Variants in CDKAL1 observed in about 807,000 individuals in gnomAD.
CDKAL1 encodes threonylcarbamoyladenosine tRNA methylthiotransferase.
CDKAL1 carries 32 observed loss-of-function variants against 68.2 expected under a neutral mutation model. That is an observed-to-expected ratio of 0.47 (90% CI 0.35 to 0.63). The LOEUF is 0.63. Among genes scored for constraint, CDKAL1 ranks in the 30% least tolerant of loss-of-function variants. The pLI, the probability that CDKAL1 is intolerant of heterozygous loss-of-function variation, is 0.00. For synonymous variants in CDKAL1, 234 were observed against 244.3 expected (o/e 0.96, Z 0.39); for missense variants, 606 against 696.7 (o/e 0.87, Z 1.47).
intron 11 of CDKAL1, among the ~76,000 whole-genome samples, chr6:21,023,396 G>A (rs1399941912): frequency 2.6e-5 from 4 of 152,130 alleles, no homozygotes; most frequent in Non-Finnish European, 5.9e-5. Flanking sequence ...CTTCCTGTTA[G>A]TACCTGGCTC....
intron 5 of CDKAL1, among the ~76,000 whole-genome samples, chr6:20,712,414 CTT>C (rs1771887999): frequency 6.6e-6 from 1 of 151,034 alleles, no homozygotes; most frequent in South Asian, 2.1e-4. Flanking sequence ...GAGCACAAAA[CTT>C]AGCCATGATG....
chr6:20,605,363 C>T (rs1448972212), intron 4 of CDKAL1, among the ~76,000 whole-genome samples: 1 of 152,102 alleles, frequency 6.6e-6, no homozygotes, highest in Non-Finnish European at 1.5e-5. Context: ...TTAATATCCT[C>T]GAGTTCTATG....
At chr6:21,069,770 CTTTCTTTTTTTT>C (rs1771656426) in intron 12 of CDKAL1, among the ~76,000 whole-genome samples, 8 of 42,278 alleles carry the variant, frequency 1.9e-4, no homozygotes, top group East Asian at 2.8e-3. Flanking sequence ...CCCAGATTTT[CTTTCTTTTTTTT>C]TTTTTTTTTT....
At chr6:20,969,400 C>T (rs952410319) in intron 10 of CDKAL1, among the ~76,000 whole-genome samples, 4 of 152,086 alleles carry the variant, frequency 2.6e-5, no homozygotes, top group Admixed American at 2.6e-4. Flanking sequence ...GGTCATCATC[C>T]TCATCATCTT....
chr6:20,653,552 A>G (rs1034900622), intron 5 of CDKAL1, among the ~76,000 whole-genome samples: 2 of 151,968 alleles, frequency 1.3e-5, no homozygotes, highest in Non-Finnish European at 2.9e-5. Flanking sequence ...CTCGTGTTCA[A>G]AGGATTCTCC....
At chr6:21,009,981 A>G (rs1767927217) in intron 11 of CDKAL1, among the ~76,000 whole-genome samples, 2 of 152,234 alleles carry the variant, frequency 1.3e-5, no homozygotes, top group African/African-American at 2.4e-5. Flanking sequence ...CCAAATAGCT[A>G]GAAGAGGAGA....
intron 9 of CDKAL1, among the ~76,000 whole-genome samples, chr6:20,925,318 A>G (rs901853957): frequency 6.6e-6 from 1 of 152,236 alleles, no homozygotes; most frequent in Non-Finnish European, 1.5e-5. Flanking sequence ...TAACTTTTAG[A>G]TGCACTGGGA....
intron 8 of CDKAL1, among the ~76,000 whole-genome samples, chr6:20,811,750 C>A (rs534581822): frequency 2.7e-5 from 4 of 149,328 alleles, no homozygotes; most frequent in African/African-American, 7.4e-5. Context: ...CTTGATCCAG[C>A]CTTTGTAAGA....
At chr6:20,812,582 A>T (rs2150424966) in intron 8 of CDKAL1, among the ~76,000 whole-genome samples, 1 of 152,296 alleles carries the variant, frequency 6.6e-6, no homozygotes, top group South Asian at 2.1e-4. Flanking sequence ...GCCTTCTGTC[A>T]GTATAGATTA....
rs545162371 is a variant in CDKAL1 at position 20,714,378 on chromosome 6, CTTTTTTTTTTTTTTTTTTT to C, written c.372-25131_372-25113del. On this transcript the variant is annotated intron_variant, in intron 5 of 15. Coordinates refer to ENST00000274695, the MANE Select transcript of CDKAL1 (RefSeq NM_017774.3). ...AATATTAATGATACTATTGTCTGTT[CTTTTTTTTTTTTTTTTTTT>C]TTTTTTTTTGAGACAGAATCTCACT... 1.6e-3 allele frequency among the ~76,000 whole-genome samples: 116 copies of C among 72,742 alleles called. 1 individual carries two copies. The highest frequency in any genetic ancestry group is 4.9e-3 in the African/African-American group (101 of 20,632). 47.7% of individuals were successfully genotyped at this position (72,742 alleles called of 152,430 possible). A position where few individuals can be genotyped will look rare whatever the true frequency, so the allele number is the denominator to read the frequency against.
At chr6:20,818,090 C>T (rs1247365947) in intron 8 of CDKAL1, among the ~76,000 whole-genome samples, 5 of 152,134 alleles carry the variant, frequency 3.3e-5, no homozygotes, top group African/African-American at 4.8e-5. Flanking sequence ...TCTCCTCAAG[C>T]GAGTGAATCA....
chr6:20,665,254 C>T (rs138905554), intron 5 of CDKAL1, among the ~76,000 whole-genome samples: 6 of 152,116 alleles, frequency 3.9e-5, no homozygotes, highest in South Asian at 2.1e-4. Context: ...AAGTGAAAAT[C>T]TTGAATAATA....
intron 2 of CDKAL1, among the ~76,000 whole-genome samples, chr6:20,545,810 C>G (rs917858142): frequency 3.3e-5 from 5 of 152,176 alleles, no homozygotes; most frequent in Non-Finnish European, 7.3e-5. Context: ...GACATAATGA[C>G]ATTTCACTTC....
At chr6:20,802,584 A>T (rs1776414676) in intron 8 of CDKAL1, among the ~76,000 whole-genome samples, 1 of 152,132 alleles carries the variant, frequency 6.6e-6, no homozygotes, top group African/African-American at 2.4e-5. Flanking sequence ...ACACACACAT[A>T]TATAAGAACA....
At position 20,585,429 on chromosome 6, in the gene CDKAL1, T is replaced by C. The variant is rs187846034; in HGVS notation, c.286+36724T>C. 5.2e-4 allele frequency among the ~76,000 whole-genome samples: 79 copies of C among 152,276 alleles called. 1 individual carries two copies. The highest frequency in any genetic ancestry group is 1.8e-3 in the African/African-American group (73 of 41,566). Reference sequence around the variant, plus strand: ...CGTTCTTCCTCTCCAACTATTCCATTTTTTTCTTTCTCTGTAATAGCAAAA... The same window carrying C: ...CGTTCTTCCTCTCCAACTATTCCATCTTTTTCTTTCTCTGTAATAGCAAAA... On this transcript the variant is annotated intron_variant, in intron 4 of 15. Transcript: ENST00000274695.
intron 4 of CDKAL1, among the ~76,000 whole-genome samples, chr6:20,575,912 TA>T (rs1415537436): frequency 6.6e-6 from 1 of 152,202 alleles, no homozygotes; most frequent in African/African-American, 2.4e-5. Context: ...TCGTGCCCCT[TA>T]CCTTTAAACT....
At chr6:21,217,639 A>C (rs1292369075) in intron 15 of CDKAL1, among the ~76,000 whole-genome samples, 2 of 152,124 alleles carry the variant, frequency 1.3e-5, no homozygotes, top group African/African-American at 4.8e-5. Context: ...CTGGGATTAC[A>C]GGCGTGCACT....
At chr6:20,735,519 T>C (rs1451815804) in intron 5 of CDKAL1, among the ~76,000 whole-genome samples, 1 of 152,138 alleles carries the variant, frequency 6.6e-6, no homozygotes, top group African/African-American at 2.4e-5. Flanking sequence ...TACCTCCCAC[T>C]GGGCTCCTCC....
chr6:20,774,982 A>C (rs1007984006), intron 7 of CDKAL1, among the ~76,000 whole-genome samples: 17 of 152,204 alleles, frequency 1.1e-4, no homozygotes, highest in African/African-American at 3.9e-4. Context: ...TAATAAACCC[A>C]CTGAGACATA....
Sources: allele counts gnomAD v4.1 joint callset (sites outside exome capture counted in the v4.1 genomes callset), GRCh38; gene constraint gnomAD v4.1.1; transcripts MANE v1.5; gene names NCBI Gene and HGNC (gene_info 2026-07-23, HGNC 2026-07-21).